ZNRF1: variants seen among roughly 807,000 people sequenced by gnomAD.
ZNRF1 encodes the protein E3 ubiquitin-protein ligase ZNRF1.
In ZNRF1, 3 loss-of-function variants were observed where a neutral mutation model predicts 18.4. The observed-to-expected ratio is 0.16, with a 90% CI of 0.07 to 0.42. ZNRF1 has a LOEUF of 0.42. Among genes scored for constraint, ZNRF1 ranks in the 10% least tolerant of loss-of-function variants. The pLI is 0.99. For synonymous variants in ZNRF1, 157 were observed against 144.2 expected (o/e 1.09, Z -0.64); for missense variants, 310 against 329.8 (o/e 0.94, Z 0.47).
intron 2 of ZNRF1, among the ~76,000 whole-genome samples, chr16:75,102,170 G>A (rs2036261675): frequency 6.6e-6 from 1 of 152,128 alleles, no homozygotes; most frequent in Non-Finnish European, 1.5e-5. Context: ...ATAGCCTTCT[G>A]GGCCCTGAAG....
At chr16:75,024,514 C>G (rs781063099) in intron 1 of ZNRF1, among the ~76,000 whole-genome samples, 1 of 152,154 alleles carries the variant, frequency 6.6e-6, no homozygotes, top group African/African-American at 2.4e-5. Flanking sequence ...TTACTTCTTT[C>G]TGGTGATTTT....
intron 1 of ZNRF1, among the ~76,000 whole-genome samples, chr16:75,040,458 A>G (rs190623859): frequency 1.3e-5 from 2 of 151,682 alleles, no homozygotes; most frequent in South Asian, 2.1e-4. Flanking sequence ...TTTTTAGTCA[A>G]TCTCTGCTCC....
At position 74,999,664 on chromosome 16, in the gene ZNRF1, G is replaced by C; in HGVS notation, c.-8G>C. ...CCAGGTTCCCGCCCCACCGGGGCCC[G>C]GGCGAGCATGGGGGGCAAGCAGAGC... On this transcript the variant is annotated 5_prime_UTR_variant, in exon 1 of 5. Coordinates refer to ENST00000335325, the MANE Select transcript of ZNRF1 (RefSeq NM_032268.5). 1 of 1,333,502 alleles carries C rather than the reference G, an allele frequency of 7.5e-7. No homozygotes were observed. Among genetic ancestry groups the C allele is most frequent in the Non-Finnish European group, 9.5e-7 (1 of 1,048,280 alleles). The allele number at this position is 1,333,502 out of a possible 1,614,324, so 82.6% of individuals were successfully genotyped here. A position where few individuals can be genotyped will look rare whatever the true frequency, so the allele number is the denominator to read the frequency against.
At chr16:75,004,586 C>T (rs1482401559) in intron 1 of ZNRF1, among the ~76,000 whole-genome samples, 1 of 152,184 alleles carries the variant, frequency 6.6e-6, no homozygotes, top group African/African-American at 2.4e-5. Flanking sequence ...TCAACTGAGA[C>T]TGATACAAGG....
chr16:75,019,875 C>T (rs1391790753), intron 1 of ZNRF1, among the ~76,000 whole-genome samples: 1 of 152,112 alleles, frequency 6.6e-6, no homozygotes, highest in Non-Finnish European at 1.5e-5. Context: ...CAGGCACACA[C>T]CACCACACCC....
chr16:75,021,384 T>G (rs185672176), intron 1 of ZNRF1, among the ~76,000 whole-genome samples: 2 of 152,360 alleles, frequency 1.3e-5, no homozygotes, highest in Admixed American at 6.5e-5. Flanking sequence ...CTATTCTTAT[T>G]TGATGAAGTC....
rs575383583 is a variant in ZNRF1, at chr16:75,022,994, A to G, written c.424+22899A>G. ...CCCAAGCTGACTTTTCTTTCCTGTA[A>G]TTTGGTAATTGGAAGAGGAGAAACC... On this transcript the variant is annotated intron_variant, in intron 1 of 4. Transcript: ENST00000335325. Among the ~76,000 whole-genome samples the G allele has an allele frequency of 5.9e-5, 9 of 152,258 alleles. No individual in the cohort carries two copies. The South Asian group carries it at 1.5e-3, about 25-fold the overall frequency.
intron 1 of ZNRF1, among the ~76,000 whole-genome samples, chr16:75,044,939 C>G (rs182444998): frequency 2.6e-5 from 4 of 152,310 alleles, no homozygotes; most frequent in Non-Finnish European, 4.4e-5. Flanking sequence ...ATTCCTTTCT[C>G]TAATGTTGCA....
chr16:75,061,938 G>A (rs1053875064), intron 1 of ZNRF1, among the ~76,000 whole-genome samples: 4 of 152,198 alleles, frequency 2.6e-5, no homozygotes, highest in African/African-American at 7.2e-5. Flanking sequence ...TTTCCCAAGA[G>A]CCTGCTGCCG....
chr16:75,093,531 G>T (rs2036165363), intron 1 of ZNRF1, 41 bp from the exon 2 acceptor site: 4 of 1,509,978 alleles, frequency 2.6e-6, no homozygotes, highest in Non-Finnish European at 3.7e-6. Context: ...GGATGTACTG[G>T]ATCTGGAGAA....
chr16:75,053,988 C>T (rs1355262654), intron 1 of ZNRF1, among the ~76,000 whole-genome samples: 1 of 152,188 alleles, frequency 6.6e-6, no homozygotes, highest in Non-Finnish European at 1.5e-5. Flanking sequence ...CTTTACTTTT[C>T]GTATGAACTA....
chr16:75,103,510 C>CG (rs568821651), intron 2 of ZNRF1, among the ~76,000 whole-genome samples: 2 of 151,478 alleles, frequency 1.3e-5, no homozygotes, highest in Non-Finnish European at 2.9e-5. Context: ...AGGGGCTGGG[C>CG]GGGGGGAAGG....
At chr16:75,022,553 G>A (rs1159303700) in intron 1 of ZNRF1, among the ~76,000 whole-genome samples, 3 of 150,922 alleles carry the variant, frequency 2.0e-5, no homozygotes, top group South Asian at 2.1e-4. Context: ...GCGACAAAGC[G>A]AGACTCCGTC....
intron 1 of ZNRF1, among the ~76,000 whole-genome samples, chr16:75,085,601 C>T (rs1303799858): frequency 6.6e-6 from 1 of 152,140 alleles, no homozygotes; most frequent in Non-Finnish European, 1.5e-5. Context: ...TTATAAGAAA[C>T]TACCAGACCT....
chr16:75,082,787 C>G (rs1197027698), intron 1 of ZNRF1, among the ~76,000 whole-genome samples: 1 of 152,184 alleles, frequency 6.6e-6, no homozygotes, highest in Non-Finnish European at 1.5e-5. Context: ...TACCTGAGAT[C>G]AAGTGATCTA....
chr16:75,073,264 T>TC (rs1433219118), intron 1 of ZNRF1, among the ~76,000 whole-genome samples: 1 of 152,084 alleles, frequency 6.6e-6, no homozygotes, highest in Non-Finnish European at 1.5e-5. Flanking sequence ...ATTTTTTTTT[T>TC]CACAATTGTT....
chr16:75,078,482 A>G (rs2035971099), intron 1 of ZNRF1, among the ~76,000 whole-genome samples: 1 of 151,846 alleles, frequency 6.6e-6, no homozygotes, highest in African/African-American at 2.4e-5. Context: ...TATTTTTAGT[A>G]GAGATGGGGT....
intron 1 of ZNRF1, among the ~76,000 whole-genome samples, chr16:75,003,190 G>A (rs575752804): frequency 1.7e-3 from 257 of 152,298 alleles, no homozygotes; most frequent in Middle Eastern, 0.01. Context: ...TCAAACTCCC[G>A]ACCTCAGGTG....
chr16:75,034,142 G>A (rs1487668517), intron 1 of ZNRF1, among the ~76,000 whole-genome samples: 1 of 152,142 alleles, frequency 6.6e-6, no homozygotes, highest in Non-Finnish European at 1.5e-5. Context: ...TCGCGACAGA[G>A]CGAGGCTCCG....
Sources: allele counts gnomAD v4.1 joint callset (sites outside exome capture counted in the v4.1 genomes callset), GRCh38; gene constraint gnomAD v4.1.1; transcripts MANE v1.5; gene names NCBI Gene and HGNC (gene_info 2026-07-23, HGNC 2026-07-21).